Variants in MALRD1 observed in about 807,000 individuals in gnomAD.
MALRD1 encodes the protein MAM and LDL-receptor class A domain-containing protein 1.
In MALRD1, 247 loss-of-function variants were observed where a neutral mutation model predicts 242.1. The ratio of observed to expected loss-of-function variants is 1.02; its 90% CI spans 0.92 to 1.13. The LOEUF (loss-of-function observed/expected upper bound fraction) is 1.13, where lower values mean the gene tolerates loss of function less well. MALRD1 is among the 50% of genes most tolerant of loss of function. The pLI is 0.00. For missense variants in MALRD1, 2,989 were observed against 2,533.1 expected (o/e 1.18, Z -3.86); for synonymous variants, 995 against 866.6 (o/e 1.15, Z -2.60).
intron 36 of MALRD1, among the ~76,000 whole-genome samples, chr10:19,645,769 C>G (rs1223810572): frequency 6.6e-6 from 1 of 152,014 alleles, no homozygotes; most frequent in Non-Finnish European, 1.5e-5. Context: ...TGGAGATATA[C>G]CTAATGCTAA....
intron 38 of MALRD1, among the ~76,000 whole-genome samples, chr10:19,695,953 A>T (rs1456505962): frequency 6.6e-6 from 1 of 152,206 alleles, no homozygotes; most frequent in South Asian, 2.1e-4. Flanking sequence ...CACTCCCATG[A>T]TTCAATTACC....
At chr10:19,596,757 A>G (rs747827306) in intron 34 of MALRD1, among the ~76,000 whole-genome samples, 1 of 151,454 alleles carries the variant, frequency 6.6e-6, no homozygotes, top group Non-Finnish European at 1.5e-5. Context: ...AAGAAAAGAA[A>G]AGAACGAAAG....
intron 31 of MALRD1, 83 bp downstream of exon 31, chr10:19,498,729 A>G: frequency 6.9e-7 from 1 of 1,443,972 alleles, no homozygotes; most frequent in Non-Finnish European, 9.3e-7. Flanking sequence ...TTCAGTGTGC[A>G]TTTCTTATGT....
chr10:19,231,871 A>C (rs1173491420), intron 18 of MALRD1, among the ~76,000 whole-genome samples: 1 of 152,086 alleles, frequency 6.6e-6, no homozygotes, highest in Non-Finnish European at 1.5e-5. Flanking sequence ...TTTCTACTAA[A>C]ACTTGACTCA....
At chr10:19,094,953 A>G (rs1835969069) in intron 4 of MALRD1, among the ~76,000 whole-genome samples, 1 of 152,124 alleles carries the variant, frequency 6.6e-6, no homozygotes, top group Non-Finnish European at 1.5e-5. Context: ...ATCAAACAAA[A>G]TTTTCCTGTT....
chr10:19,594,365 G>A (rs948730627), intron 33 of MALRD1, among the ~76,000 whole-genome samples: 2 of 152,138 alleles, frequency 1.3e-5, no homozygotes, highest in Non-Finnish European at 2.9e-5. Context: ...GTGGTGAAAT[G>A]GAACACTTTT....
At chr10:19,083,906 T>G (rs1435810770) in intron 2 of MALRD1, among the ~76,000 whole-genome samples, 1 of 152,020 alleles carries the variant, frequency 6.6e-6, no homozygotes, top group Non-Finnish European at 1.5e-5. Flanking sequence ...AAGTTGATTC[T>G]GACATTTTTG....
At chr10:19,167,371 A>G (rs192984631) in intron 13 of MALRD1, among the ~76,000 whole-genome samples, 8 of 152,136 alleles carry the variant, frequency 5.3e-5, no homozygotes, top group Admixed American at 3.9e-4. Flanking sequence ...AAAAACAAAA[A>G]CAAAAAAGTG....
intron 30 of MALRD1, 48 bp downstream of exon 30, chr10:19,491,693 C>G: frequency 1.3e-6 from 2 of 1,527,164 alleles, no homozygotes; most frequent in Non-Finnish European, 1.8e-6. Flanking sequence ...CAGATATTTT[C>G]CTTCATAAGT....
chr10:19,376,403 G>T (rs1336802995), intron 26 of MALRD1, among the ~76,000 whole-genome samples: 1 of 151,970 alleles, frequency 6.6e-6, no homozygotes, highest in Non-Finnish European at 1.5e-5. Context: ...TGTTAACGTG[G>T]GACAGACAGG....
intron 34 of MALRD1, among the ~76,000 whole-genome samples, chr10:19,606,015 G>A (rs367574123): frequency 6.6e-6 from 1 of 152,056 alleles, no homozygotes; most frequent in East Asian, 1.9e-4. Flanking sequence ...CAGAGTCAGC[G>A]TTTTCAGTCA....
chr10:19,168,911 T>C (rs564487916), intron 13 of MALRD1, among the ~76,000 whole-genome samples: 1 of 152,250 alleles, frequency 6.6e-6, no homozygotes, highest in South Asian at 2.1e-4. Context: ...TTAATCTGCC[T>C]ATGAGTTGGC....
Position 19,204,753 on chromosome 10 carries a change from T to C in MALRD1, c.2211-145T>C, listed in dbSNP as rs1275337270. On this transcript the variant is annotated intron_variant, in intron 16 of 39. Coordinates refer to ENST00000454679, the MANE Select transcript of MALRD1 (RefSeq NM_001142308.3). ...GCCTCAGTAGATAAGCTCTTGCAAA[T>C]GGACAGCCACAGTTATTGCGGGAAA... The C allele has an allele frequency of 2.8e-5, 25 of 892,572 alleles. No homozygotes were observed. The East Asian group carries it at 6.1e-4, about 22-fold the overall frequency. The allele number at this position is 892,572 out of a possible 1,614,324, so 55.3% of individuals were successfully genotyped here. A position where few individuals can be genotyped will look rare whatever the true frequency, so the allele number is the denominator to read the frequency against.
chr10:19,508,227 G>T (rs1833230671), intron 31 of MALRD1, among the ~76,000 whole-genome samples: 1 of 152,080 alleles, frequency 6.6e-6, no homozygotes, highest in African/African-American at 2.4e-5. Flanking sequence ...GGATGGATGT[G>T]TGATGTATAC....
chr10:19,326,720 TAAAA>T (rs940723874), intron 22 of MALRD1, among the ~76,000 whole-genome samples: 2 of 152,074 alleles, frequency 1.3e-5, no homozygotes, highest in South Asian at 2.1e-4. Context: ...TGAATTTAAT[TAAAA>T]AAACAGATAA....
chr10:19,609,552 T>C (rs1838792484), intron 35 of MALRD1, among the ~76,000 whole-genome samples: 1 of 152,048 alleles, frequency 6.6e-6, no homozygotes, highest in Admixed American at 6.6e-5. Flanking sequence ...GTAATTCCCA[T>C]AGTGGTCTCA....
chr10:19,235,431 T>C (rs1205602853), intron 18 of MALRD1, among the ~76,000 whole-genome samples: 1 of 151,146 alleles, frequency 6.6e-6, no homozygotes, highest in Admixed American at 6.7e-5. Flanking sequence ...TTGAGAAGTG[T>C]TTGTTCATGT....
intron 33 of MALRD1, among the ~76,000 whole-genome samples, chr10:19,583,640 G>C (rs1837241268): frequency 6.6e-6 from 1 of 152,060 alleles, no homozygotes; most frequent in African/African-American, 2.4e-5. Context: ...ATTTTATTGA[G>C]GATTTTTGCA....
chr10:19,439,134 A>C (rs908446677), intron 28 of MALRD1, among the ~76,000 whole-genome samples: 1 of 150,800 alleles, frequency 6.6e-6, no homozygotes, highest in Non-Finnish European at 1.5e-5. Context: ...TAAAAATTAT[A>C]ATTTTAATTA....
Sources: gnomAD v4.1 joint callset for allele counts (sites outside exome capture counted in the v4.1 genomes callset) on GRCh38, gnomAD v4.1.1 for gene constraint, MANE v1.5 for transcripts, NCBI Gene and HGNC (gene_info 2026-07-23, HGNC 2026-07-21) for gene names.